The following TMEM132D variants were observed in gnomAD, a reference collection of about 807,000 sequenced individuals.
TMEM132D encodes the protein mature OL transmembrane protein.
A neutral mutation model predicts 62.3 loss-of-function variants in TMEM132D; 21 were observed. The observed-to-expected ratio is 0.34, with a 90% CI of 0.24 to 0.49. TMEM132D has a LOEUF of 0.49. Among genes scored for constraint, TMEM132D ranks in the 20% least tolerant of loss-of-function variants. TMEM132D has a pLI of 0.99. For missense variants in TMEM132D, 1,346 were observed against 1,402.8 expected (o/e 0.96, Z 0.65); for synonymous variants, 621 against 575.6 (o/e 1.08, Z -1.13).
At chr12:129,344,227 T>G (rs1048346828) in intron 3 of TMEM132D, among the ~76,000 whole-genome samples, 2 of 152,156 alleles carry the variant, frequency 1.3e-5, no homozygotes, top group Non-Finnish European at 2.9e-5. Flanking sequence ...GGGGTCTGGA[T>G]CAGAACCCCT....
At chr12:129,362,664 A>G (rs1870286047) in intron 3 of TMEM132D, among the ~76,000 whole-genome samples, 1 of 152,250 alleles carries the variant, frequency 6.6e-6, no homozygotes, top group Non-Finnish European at 1.5e-5. Context: ...CTAGGGCTGC[A>G]GACTGTTCGA....
At chr12:129,323,668 C>T (rs973362022) in intron 4 of TMEM132D, among the ~76,000 whole-genome samples, 1 of 152,146 alleles carries the variant, frequency 6.6e-6, no homozygotes, top group South Asian at 2.1e-4. Context: ...AAGCCTAATC[C>T]TCAATGTTGC....
chr12:129,525,226 GTTTTTTTTTTTTTTTTTT>G (rs765569025), intron 3 of TMEM132D, among the ~76,000 whole-genome samples: 1 of 67,392 alleles, frequency 1.5e-5, no homozygotes, highest in African/African-American at 5.1e-5. Flanking sequence ...TGCCCAGCCG[GTTTTTTTTTTTTTTTTTT>G]TTTTTTTTTT....
intron 4 of TMEM132D, among the ~76,000 whole-genome samples, chr12:129,238,998 T>C (rs1253545524): frequency 6.7e-6 from 1 of 148,466 alleles, no homozygotes; most frequent in South Asian, 2.1e-4. Context: ...TATTTTCTGT[T>C]TTTTTTTTTT....
chr12:129,203,206 C>T (rs548037580), intron 5 of TMEM132D, among the ~76,000 whole-genome samples: 1 of 152,342 alleles, frequency 6.6e-6, no homozygotes, highest in East Asian at 1.9e-4. Flanking sequence ...GCTGCATCTG[C>T]ACCTCACTCT....
At chr12:129,476,160 C>A (rs1874250509) in intron 3 of TMEM132D, among the ~76,000 whole-genome samples, 1 of 152,124 alleles carries the variant, frequency 6.6e-6, no homozygotes, top group African/African-American at 2.4e-5. Context: ...GCAAATGTGG[C>A]AATCAAAAAT....
intron 2 of TMEM132D, among the ~76,000 whole-genome samples, chr12:129,531,506 C>A (rs747318426): frequency 6.6e-6 from 1 of 152,118 alleles, no homozygotes; most frequent in Non-Finnish European, 1.5e-5. Flanking sequence ...CCAAGCCAAA[C>A]ACAAACACAG....
chr12:129,178,178 A>T (rs1362580227), intron 5 of TMEM132D, among the ~76,000 whole-genome samples: 1 of 152,146 alleles, frequency 6.6e-6, no homozygotes, highest in African/African-American at 2.4e-5. Context: ...TCACTGTTGG[A>T]CATTTGGGTT....
intron 3 of TMEM132D, among the ~76,000 whole-genome samples, chr12:129,481,471 A>C (rs1285707835): frequency 1.4e-5 from 2 of 144,916 alleles, no homozygotes; most frequent in Non-Finnish European, 3.1e-5. Context: ...TCCAAAAAAA[A>C]AAAAAAAACC....
rs184897888 is a variant in TMEM132D, at chr12:129,254,889, T to C, written c.1300-45226A>G. 2.8e-3 allele frequency among the ~76,000 whole-genome samples: 426 copies of C among 152,340 alleles called. 1 individual carries two copies. The highest frequency in any genetic ancestry group is 1.0e-2 in the African/African-American group (414 of 41,586). ...ATATGTAGTAGTTAGGTGGTATGAT[T>C]TGGATCTGTGTCCCCAACCAAATCT... On this transcript the variant is annotated intron_variant, in intron 4 of 8. Transcript: ENST00000422113.
At position 129,153,512 on chromosome 12, in the gene TMEM132D, G is replaced by A. The variant is rs79889588; in HGVS notation, c.1443+56008C>T. Reference sequence around the variant, plus strand: ...GGCTGTGCCGTGAAGAATGGAAGGAGAGCAGTACATACTAATTATTTCTAC... The same window carrying A: ...GGCTGTGCCGTGAAGAATGGAAGGAAAGCAGTACATACTAATTATTTCTAC... On this transcript the variant is annotated intron_variant, in intron 5 of 8. Transcript: ENST00000422113. Among the ~76,000 whole-genome samples the A allele has an allele frequency of 1.9e-3, 292 of 152,250 alleles. 2 individuals carry two copies. Among genetic ancestry groups the A allele is most frequent in the African/African-American group, 6.8e-3 (283 of 41,558 alleles).
intron 1 of TMEM132D, among the ~76,000 whole-genome samples, chr12:129,864,378 C>T (rs1335699513): frequency 6.6e-6 from 1 of 152,184 alleles, no homozygotes; most frequent in Admixed American, 6.5e-5. Flanking sequence ...ACAGCAAAAT[C>T]ATATGTAACT....
intron 1 of TMEM132D, among the ~76,000 whole-genome samples, chr12:129,752,933 C>T (rs546132728): frequency 3.3e-5 from 5 of 152,268 alleles, no homozygotes; most frequent in East Asian, 1.9e-4. Flanking sequence ...GGTGGTCCCC[C>T]CAAAGCAACT....
chr12:129,315,055 AG>A (rs2135638438), intron 4 of TMEM132D, among the ~76,000 whole-genome samples: 1 of 152,222 alleles, frequency 6.6e-6, no homozygotes, highest in South Asian at 2.1e-4. Context: ...AGGAGTACTT[AG>A]GGTTTTTAAG....
chr12:129,392,152 G>A (rs557890390), intron 3 of TMEM132D, among the ~76,000 whole-genome samples: 3 of 152,068 alleles, frequency 2.0e-5, no homozygotes, highest in African/African-American at 4.8e-5. Flanking sequence ...CTGCCTCCCG[G>A]GTTCAAGTGA....
intron 2 of TMEM132D, among the ~76,000 whole-genome samples, chr12:129,634,201 G>A (rs531950983): frequency 4.6e-5 from 7 of 152,182 alleles, no homozygotes; most frequent in East Asian, 3.9e-4. Context: ...GGCAGGACAC[G>A]GTGGCTCACA....
At chr12:129,710,197 C>T (rs1881606776) in intron 1 of TMEM132D, among the ~76,000 whole-genome samples, 1 of 152,124 alleles carries the variant, frequency 6.6e-6, no homozygotes, top group African/African-American at 2.4e-5. Context: ...GTTGTATCCA[C>T]CTGGTGGGAT....
intron 2 of TMEM132D, among the ~76,000 whole-genome samples, chr12:129,589,923 T>C (rs575980077): frequency 6.6e-6 from 1 of 152,348 alleles, no homozygotes; most frequent in African/African-American, 2.4e-5. Context: ...CTGAATTTCA[T>C]TGTTTTTACT....
chr12:129,556,956 T>C (rs1877080375), intron 2 of TMEM132D, among the ~76,000 whole-genome samples: 1 of 152,220 alleles, frequency 6.6e-6, no homozygotes, highest in Non-Finnish European at 1.5e-5. Flanking sequence ...CCTCCTAAGC[T>C]GCAAAGGTTG....
Sources: gnomAD v4.1 joint callset for allele counts (sites outside exome capture counted in the v4.1 genomes callset) on GRCh38, gnomAD v4.1.1 for gene constraint, MANE v1.5 for transcripts, NCBI Gene and HGNC (gene_info 2026-07-23, HGNC 2026-07-21) for gene names.